POU2F1: variants seen among roughly 807,000 people sequenced by gnomAD.
POU2F1 encodes POU class 2 homeobox 1, also known as POU domain, class 2, transcription factor 1.
Under a neutral mutation model 84.9 loss-of-function variants are expected in POU2F1, and 16 were observed. The ratio of observed to expected loss-of-function variants is 0.19; its 90% CI spans 0.13 to 0.29. The LOEUF is 0.29. Ranked by LOEUF, POU2F1 falls within the 10% of genes least tolerant of loss-of-function variation. POU2F1 has a pLI of 1.00. For missense variants in POU2F1, 738 were observed against 942.6 expected, an observed-to-expected ratio of 0.78 and a Z score of 2.84; for synonymous variants, 368 against 368.3, an observed-to-expected ratio of 1.00 and a Z score of 0.01.
At chr1:167,395,704 A>C (rs1322041583) in intron 9 of POU2F1, among the ~76,000 whole-genome samples, 1 of 152,106 alleles carries the variant, frequency 6.6e-6, no homozygotes, top group African/African-American at 2.4e-5. Flanking sequence ...TCCTGGGCTC[A>C]AGCGATCCTT....
chr1:167,282,678 A>C (rs1653240462), intron 1 of POU2F1, among the ~76,000 whole-genome samples: 1 of 151,700 alleles, frequency 6.6e-6, no homozygotes, highest in African/African-American at 2.4e-5. Context: ...CCCATGTTCT[A>C]CTTTTTCTGT....
At chr1:167,385,027 A>C (rs1388650830) in intron 8 of POU2F1, among the ~76,000 whole-genome samples, 1 of 152,154 alleles carries the variant, frequency 6.6e-6, no homozygotes, top group Non-Finnish European at 1.5e-5. Flanking sequence ...CAATATATAA[A>C]AATCATTTAC....
chr1:167,312,429 G>T (rs1655563190), intron 1 of POU2F1, among the ~76,000 whole-genome samples: 1 of 151,774 alleles, frequency 6.6e-6, no homozygotes. Context: ...CATCTCGTTT[G>T]TTGTTGGCCA....
chr1:167,314,013 A>G (rs944348865), intron 1 of POU2F1, among the ~76,000 whole-genome samples: 1 of 152,102 alleles, frequency 6.6e-6, no homozygotes, highest in African/African-American at 2.4e-5. Flanking sequence ...CCTGGCCAAG[A>G]TGGTGAAACC....
At chr1:167,373,042 G>GTA (rs938208620) in intron 5 of POU2F1, among the ~76,000 whole-genome samples, 23 of 151,708 alleles carry the variant, frequency 1.5e-4, no homozygotes, top group African/African-American at 4.8e-4. Context: ...AGAGATGTAT[G>GTA]TATATATATA....
At chr1:167,288,414 C>G (rs1378430091) in intron 1 of POU2F1, among the ~76,000 whole-genome samples, 1 of 152,160 alleles carries the variant, frequency 6.6e-6, no homozygotes, top group Non-Finnish European at 1.5e-5. Flanking sequence ...GATACAGTGT[C>G]TTTAGGAGCT....
chr1:167,407,431 A>G (rs1333139862), intron 13 of POU2F1, among the ~76,000 whole-genome samples: 1 of 152,236 alleles, frequency 6.6e-6, no homozygotes, highest in Non-Finnish European at 1.5e-5. Context: ...GGAAGGGACC[A>G]AGAATAGCCA....
chr1:167,251,922 G>A (rs1370912896), intron 1 of POU2F1, among the ~76,000 whole-genome samples: 2 of 150,154 alleles, frequency 1.3e-5, no homozygotes, highest in East Asian at 3.9e-4. Context: ...TTGGCTCACT[G>A]CAACCTCTGC....
rs553872078 is a variant in POU2F1, at chr1:167,245,243, C to CT, written c.61+24298dup. ...AAAAGCTATTATGTGACTCAAATTT[C>CT]TTTTTTTTTTTTTGTTTGAGACAGG... On this transcript the variant is annotated intron_variant, in intron 1 of 15. Coordinates refer to ENST00000367866, the MANE Select transcript of POU2F1 (RefSeq NM_002697.4). Among the ~76,000 whole-genome samples, 217 of 140,784 alleles carry CT rather than the reference C, an allele frequency of 1.5e-3. 1 individual carries two copies. The highest frequency in any genetic ancestry group is 2.5e-3 in the East Asian group (12 of 4,868). The allele number at this position is 140,784 out of a possible 152,430, so 92.4% of individuals were successfully genotyped here.
chr1:167,287,057 G>A (rs1247457603), intron 1 of POU2F1, among the ~76,000 whole-genome samples: 1 of 152,122 alleles, frequency 6.6e-6, no homozygotes, highest in Non-Finnish European at 1.5e-5. Context: ...TTCAGGGCAG[G>A]GAAATGGAGC....
chr1:167,280,313 A>ATTT (rs539166486), intron 1 of POU2F1, among the ~76,000 whole-genome samples: 6 of 145,388 alleles, frequency 4.1e-5, no homozygotes, highest in African/African-American at 1.5e-4. Context: ...TTTGAGCTTG[A>ATTT]TTTTTTTTTT....
chr1:167,399,554 G>GCT (rs142706785), intron 12 of POU2F1, among the ~76,000 whole-genome samples, 189 bp downstream of exon 12: 29 of 149,908 alleles, frequency 1.9e-4, no homozygotes, highest in African/African-American at 4.6e-4. Flanking sequence ...TGTCTCTCGT[G>GCT]CTCTCTCTCT....
At chr1:167,233,377 G>T (rs1649212433) in intron 1 of POU2F1, among the ~76,000 whole-genome samples, 1 of 151,474 alleles carries the variant, frequency 6.6e-6, no homozygotes, top group Admixed American at 6.6e-5. Context: ...GACTCAAGCA[G>T]TCCTCTTGGC....
intron 13 of POU2F1, among the ~76,000 whole-genome samples, chr1:167,402,293 A>G (rs1571450318): frequency 6.6e-6 from 1 of 152,186 alleles, no homozygotes; most frequent in African/African-American, 2.4e-5. Flanking sequence ...GATTAATGAT[A>G]TTTCATAATG....
At chr1:167,321,671 C>A (rs1371519851) in intron 1 of POU2F1, among the ~76,000 whole-genome samples, 1 of 152,144 alleles carries the variant, frequency 6.6e-6, no homozygotes, top group African/African-American at 2.4e-5. Context: ...TATCTGTTAA[C>A]CATTTTAAAC....
At chr1:167,285,122 C>T (rs778116780) in intron 1 of POU2F1, among the ~76,000 whole-genome samples, 21 of 152,166 alleles carry the variant, frequency 1.4e-4, no homozygotes, top group Non-Finnish European at 2.8e-4. Context: ...ACTTGTATAG[C>T]ATTTGTATTA....
chr1:167,248,235 G>T lies in POU2F1; in HGVS notation c.61+27277G>T, dbSNP rs76025675. ...AACTGCATCACATTTATTCATGATA[G>T]ACAAGACAGCAAGTTAGTAGATGAA... On this transcript the variant is annotated intron_variant, in intron 1 of 15. Transcript: ENST00000367866. Among the ~76,000 whole-genome samples the T allele has an allele frequency of 2.8e-4, 43 of 152,304 alleles. No individual in the cohort carries two copies. In the East Asian group the frequency reaches 8.1e-3, roughly 29 times the overall value.
chr1:167,345,140 G>T (rs143296018), intron 2 of POU2F1, among the ~76,000 whole-genome samples: 2 of 152,274 alleles, frequency 1.3e-5, no homozygotes, highest in African/African-American at 4.8e-5. Flanking sequence ...TAACAAGCCT[G>T]CATGTTCTAT....
chr1:167,361,253 G>C (rs867475581), intron 2 of POU2F1, among the ~76,000 whole-genome samples: 1 of 152,088 alleles, frequency 6.6e-6, no homozygotes, highest in Non-Finnish European at 1.5e-5. Flanking sequence ...TCCTTGCCTT[G>C]TTCTTAGGGG....
Sources: allele counts gnomAD v4.1 joint callset (sites outside exome capture counted in the v4.1 genomes callset), GRCh38; gene constraint gnomAD v4.1.1; transcripts MANE v1.5; gene names NCBI Gene and HGNC (gene_info 2026-07-23, HGNC 2026-07-21).